Variants in LSM12 observed in about 807,000 individuals in gnomAD.
LSM12 encodes LSM12 homolog.
For missense variants in LSM12, 108 were observed against 238.9 expected (o/e 0.45, Z 3.61); for synonymous variants, 74 against 87.3 (o/e 0.85, Z 0.85).
rs2049394597 is a variant in LSM12, at chr17:44,034,406, G to C, written c.*1802C>G. On this transcript the variant is annotated 3_prime_UTR_variant, in exon 5 of 5. Transcript: ENST00000293406. ...ACAGTCCTGTAACAAATGGTTCTAT[G>C]TATGTGACTACAGCCTTTTCCCCAC... Among the ~76,000 whole-genome samples the C allele has an allele frequency of 6.6e-6, 1 of 152,086 alleles. No individual in the cohort carries two copies. Among genetic ancestry groups the C allele is most frequent in the African/African-American group, 2.4e-5 (1 of 41,406 alleles).
At chr17:44,045,967 C>T (rs1215628988) in intron 2 of LSM12, among the ~76,000 whole-genome samples, 9 of 130,492 alleles carry the variant, frequency 6.9e-5, no homozygotes, top group Non-Finnish European at 1.4e-4. Context: ...GACGGAGTCT[C>T]GCTCTGTCTC....
At chr17:44,062,810 C>G (rs1567963281) in intron 2 of LSM12, among the ~76,000 whole-genome samples, 2 of 151,732 alleles carry the variant, frequency 1.3e-5, no homozygotes, top group Admixed American at 6.6e-5. Flanking sequence ...ACTGCCTGAG[C>G]TCAGGAGTTC....
chr17:44,062,221 CAAAA>C (rs529081923), intron 2 of LSM12, among the ~76,000 whole-genome samples: 1 of 63,884 alleles, frequency 1.6e-5, no homozygotes, highest in Non-Finnish European at 2.8e-5. Context: ...GACTCCGTCT[CAAAA>C]AAAAAAAAAA....
intron 2 of LSM12, among the ~76,000 whole-genome samples, chr17:44,062,209 G>A (rs909708919): frequency 2.0e-4 from 24 of 122,674 alleles, no homozygotes; most frequent in Non-Finnish European, 2.5e-4. Flanking sequence ...GCGACAAAGC[G>A]AGACTCCGTC....
chr17:44,048,018 A>AACAC (rs57164806), intron 2 of LSM12, among the ~76,000 whole-genome samples: 3,675 of 137,436 alleles, frequency 0.027, 60 homozygotes, highest in Non-Finnish European at 0.038. Flanking sequence ...GTCCGTATTA[A>AACAC]ACACACACAC....
At chr17:44,045,936 CTTT>C (rs67446547) in intron 2 of LSM12, among the ~76,000 whole-genome samples, 5 of 122,572 alleles carry the variant, frequency 4.1e-5, no homozygotes, top group Non-Finnish European at 3.2e-5. Context: ...AAATATTTTA[CTTT>C]TTTTTTTTTT....
chr17:44,051,149 G>C (rs527527886), intron 2 of LSM12, among the ~76,000 whole-genome samples: 2 of 152,170 alleles, frequency 1.3e-5, no homozygotes, highest in South Asian at 2.1e-4. Flanking sequence ...GCTCACACCT[G>C]TAATCCCAGC....
Position 44,047,769 on chromosome 17 carries a change from G to A in LSM12, c.259-7513C>T, listed in dbSNP as rs114461912. Among the ~76,000 whole-genome samples, 1,134 of 150,084 alleles carry A rather than the reference G, an allele frequency of 7.6e-3. 12 individuals carry two copies. The highest frequency in any genetic ancestry group is 0.026 in the African/African-American group (1,079 of 40,866). ...TTTTTTTTTTTTAATTTTATGTAGC[G>A]ATGGGGTCTCCCTGTGTTCCCTAGG... On this transcript the variant is annotated intron_variant, in intron 2 of 4. Coordinates refer to ENST00000293406, the MANE Select transcript of LSM12 (RefSeq NM_001371445.1).
At chr17:44,059,748 C>T (rs1430295500) in intron 2 of LSM12, among the ~76,000 whole-genome samples, 1 of 150,500 alleles carries the variant, frequency 6.6e-6, no homozygotes, top group South Asian at 2.1e-4. Flanking sequence ...CTGTATAAGC[C>T]CTTCTCTTCC....
chr17:44,052,685 G>A (rs556126739), intron 2 of LSM12, among the ~76,000 whole-genome samples: 101 of 152,056 alleles, frequency 6.6e-4, no homozygotes, highest in Admixed American at 1.2e-3. Flanking sequence ...CTTGAACCCG[G>A]GAGGTGGAGG....
At chr17:44,047,909 C>T (rs913971425) in intron 2 of LSM12, among the ~76,000 whole-genome samples, 2 of 151,680 alleles carry the variant, frequency 1.3e-5, no homozygotes, top group East Asian at 1.9e-4. Flanking sequence ...CTTGGCTGGG[C>T]GTGGTCACTC....
In LSM12 at chr17:44,066,591, G is replaced by A; in HGVS notation, c.-4C>T. 7 of 1,428,332 alleles carry A rather than the reference G, an allele frequency of 4.9e-6. No individual in the cohort carries two copies. The highest frequency in any genetic ancestry group is 6.5e-6 in the Non-Finnish European group (7 of 1,085,174). The allele number at this position is 1,428,332 out of a possible 1,614,324, so 88.5% of individuals were successfully genotyped here. A position where few individuals can be genotyped will look rare whatever the true frequency, so the allele number is the denominator to read the frequency against. ...ACTCGCCCGGAGGAGCCGCCATCTT[G>A]GGAGTGCAGCCGCGGCCGGCGGCGG... On this transcript the variant is annotated 5_prime_UTR_variant, in exon 1 of 5. Transcript: ENST00000293406.
At chr17:44,050,962 A>C (rs1389819391) in intron 2 of LSM12, among the ~76,000 whole-genome samples, 1 of 152,094 alleles carries the variant, frequency 6.6e-6, no homozygotes, top group African/African-American at 2.4e-5. Flanking sequence ...GCAAAACCCT[A>C]CAAAAAATTT....
At chr17:44,049,065 C>G (rs1251608597) in intron 2 of LSM12, among the ~76,000 whole-genome samples, 2 of 152,056 alleles carry the variant, frequency 1.3e-5, no homozygotes, top group African/African-American at 2.4e-5. Context: ...GTGGTGTGCA[C>G]CTGTAGTCCC....
intron 2 of LSM12, among the ~76,000 whole-genome samples, chr17:44,063,537 A>G (rs997926834): frequency 1.3e-5 from 2 of 152,116 alleles, no homozygotes; most frequent in African/African-American, 4.8e-5. Flanking sequence ...TTCATCATGA[A>G]CTCCAAGATT....
chr17:44,043,483 T>A (rs1350008111), intron 2 of LSM12, among the ~76,000 whole-genome samples: 1 of 152,060 alleles, frequency 6.6e-6, no homozygotes, highest in Non-Finnish European at 1.5e-5. Context: ...GATGATGTAT[T>A]TTAAGCAGCA....
At chr17:44,059,515 C>A (rs1191761328) in intron 2 of LSM12, among the ~76,000 whole-genome samples, 1 of 151,750 alleles carries the variant, frequency 6.6e-6, no homozygotes, top group African/African-American at 2.4e-5. Flanking sequence ...TCGCTTGAAC[C>A]GAGATCACAC....
At chr17:44,054,996 G>A (rs747527408) in intron 2 of LSM12, among the ~76,000 whole-genome samples, 3 of 151,744 alleles carry the variant, frequency 2.0e-5, no homozygotes, top group Admixed American at 6.6e-5. Context: ...GTGCCACCAC[G>A]CCCGGCTAAT....
At chr17:44,048,368 T>A (rs1033510856) in intron 2 of LSM12, among the ~76,000 whole-genome samples, 4 of 151,108 alleles carry the variant, frequency 2.6e-5, no homozygotes, top group Admixed American at 1.3e-4. Flanking sequence ...TGTAGTCCCA[T>A]CTACTTGGGA....
Sources: gnomAD v4.1 joint callset for allele counts (sites outside exome capture counted in the v4.1 genomes callset) on GRCh38, gnomAD v4.1.1 for gene constraint, MANE v1.5 for transcripts, NCBI Gene and HGNC (gene_info 2026-07-23, HGNC 2026-07-21) for gene names.